Variants in RBFOX1 observed in about 807,000 individuals in gnomAD.
RBFOX1 encodes the protein RNA binding protein fox-1 homolog 1.
RBFOX1 carries 8 observed loss-of-function variants against 57.7 expected under a neutral mutation model. That is an observed-to-expected ratio of 0.14 (90% CI 0.08 to 0.25). The LOEUF is 0.25. RBFOX1 is among the 10% of genes least tolerant of loss of function. The pLI is 1.00. For missense variants in RBFOX1, 611 were observed against 548.5 expected, an observed-to-expected ratio of 1.11 and a Z score of -1.14; for synonymous variants, 326 against 222.4, an observed-to-expected ratio of 1.47 and a Z score of -4.15.
intron 1 of RBFOX1, among the ~76,000 whole-genome samples, chr16:6,289,532 G>A (rs765188270): frequency 6.6e-6 from 1 of 152,098 alleles, no homozygotes; most frequent in Non-Finnish European, 1.5e-5. Flanking sequence ...CAGAACCATA[G>A]CTATTCATTG....
intron 4 of RBFOX1, among the ~76,000 whole-genome samples, chr16:7,166,604 T>C (rs1285300801): frequency 7.2e-5 from 11 of 152,142 alleles, no homozygotes; most frequent in African/African-American, 2.2e-4. Context: ...TGTGCCTTGT[T>C]GTTGTCATGG....
At chr16:7,514,056 C>A (rs1291737389) in intron 4 of RBFOX1, among the ~76,000 whole-genome samples, 1 of 152,092 alleles carries the variant, frequency 6.6e-6, no homozygotes, top group South Asian at 2.1e-4. Context: ...GGCTTCTTAA[C>A]TGGTGATCCC....
chr16:7,472,130 G>A (rs886570372), intron 4 of RBFOX1, among the ~76,000 whole-genome samples: 2 of 152,146 alleles, frequency 1.3e-5, no homozygotes, highest in Non-Finnish European at 2.9e-5. Flanking sequence ...TATATAACAT[G>A]TTTATAATTT....
At position 7,261,293 on chromosome 16, in the gene RBFOX1, A is replaced by G. The variant is rs142754900; in HGVS notation, c.27+209195A>G. 3.3e-5 allele frequency among the ~76,000 whole-genome samples: 5 copies of G among 152,330 alleles called. No individual in the cohort carries two copies. The East Asian group carries it at 9.7e-4, about 29-fold the overall frequency. On this transcript the variant is annotated intron_variant, in intron 4 of 15. Coordinates refer to ENST00000550418, the MANE Select transcript of RBFOX1 (RefSeq NM_018723.4). ...GTATATGATGTATAAAGTGGAATTG[A>G]TGAATGGCAGGTTCTCAATAAAAGT...
At chr16:6,568,466 C>A (rs557457249) in intron 2 of RBFOX1, among the ~76,000 whole-genome samples, 2 of 152,230 alleles carry the variant, frequency 1.3e-5, no homozygotes, top group South Asian at 4.1e-4. Flanking sequence ...GGGAGAGATG[C>A]TAAGATGGAA....
intron 2 of RBFOX1, among the ~76,000 whole-genome samples, chr16:5,476,491 A>G (rs4786689): frequency 0.75 from 114,338 of 152,100 alleles, 43,536 homozygotes; most frequent in East Asian, 1. Context: ...TTACTCATTC[A>G]TGTAGTGGTC....
intron 2 of RBFOX1, among the ~76,000 whole-genome samples, chr16:6,410,904 A>G (rs2093439562): frequency 6.6e-6 from 1 of 152,280 alleles, no homozygotes; most frequent in African/African-American, 2.4e-5. Context: ...GTTGGGGATA[A>G]AAAGGAACAT....
At chr16:6,334,771 A>G (rs2152813308) in intron 2 of RBFOX1, among the ~76,000 whole-genome samples, 1 of 152,308 alleles carries the variant, frequency 6.6e-6, no homozygotes, top group African/African-American at 2.4e-5. Flanking sequence ...GAGATTGATT[A>G]GCAATGTCTT....
At chr16:5,720,897 T>G (rs575708195) in intron 3 of RBFOX1, among the ~76,000 whole-genome samples, 19 of 152,294 alleles carry the variant, frequency 1.2e-4, no homozygotes, top group South Asian at 4.1e-4. Flanking sequence ...TTTTCAAGAT[T>G]GTTTTGATTA....
chr16:5,306,618 G>C (rs2063942078), intron 1 of RBFOX1, among the ~76,000 whole-genome samples: 1 of 152,126 alleles, frequency 6.6e-6, no homozygotes, highest in African/African-American at 2.4e-5. Context: ...GGGTCTTGTA[G>C]AATTCTGATG....
intron 3 of RBFOX1, among the ~76,000 whole-genome samples, chr16:5,734,203 C>T (rs1490102116): frequency 1.3e-5 from 2 of 152,142 alleles, no homozygotes; most frequent in Non-Finnish European, 2.9e-5. Flanking sequence ...GTGGCTTATG[C>T]CTGCAATCTT....
intron 4 of RBFOX1, among the ~76,000 whole-genome samples, chr16:5,966,784 G>T (rs1279577806): frequency 6.6e-6 from 1 of 151,966 alleles, no homozygotes; most frequent in Non-Finnish European, 1.5e-5. Flanking sequence ...CACCCTTGGC[G>T]AATTGCAATT....
intron 4 of RBFOX1, among the ~76,000 whole-genome samples, chr16:7,418,239 C>T (rs1306749742): frequency 6.6e-6 from 1 of 152,184 alleles, no homozygotes; most frequent in East Asian, 1.9e-4. Context: ...AAAGTTATTG[C>T]AGAAGAGGTT....
At chr16:6,520,730 T>G (rs928506343) in intron 2 of RBFOX1, among the ~76,000 whole-genome samples, 2 of 152,174 alleles carry the variant, frequency 1.3e-5, no homozygotes, top group Admixed American at 6.5e-5. Flanking sequence ...TTAGAACCTC[T>G]AAGTGGCTTC....
At position 6,711,258 on chromosome 16, in the gene RBFOX1, G is replaced by C. The variant is rs1603450355; in HGVS notation, c.-16+56608G>C. Among the ~76,000 whole-genome samples the C allele has an allele frequency of 3.3e-5, 5 of 152,206 alleles. No homozygotes were observed. In the East Asian group the frequency reaches 9.7e-4, roughly 29 times the overall value. On this transcript the variant is annotated intron_variant, in intron 3 of 15. Coordinates refer to ENST00000550418, the MANE Select transcript of RBFOX1 (RefSeq NM_018723.4). The stretch of plus-strand genomic sequence containing the variant: ...TCCTCCTCCTAACTCTGCTTTCACT[G>C]TTTTGTCTCCACACGCCCCTCCCCC...
rs563538830 is a variant in RBFOX1 at position 7,004,417 on chromosome 16, C to G, written c.-15-47640C>G. On this transcript the variant is annotated intron_variant, in intron 3 of 15. Transcript: ENST00000550418. The stretch of plus-strand genomic sequence containing the variant: ...TTTTATTTAGTCTCAGAGACCCAAG[C>G]TGGTCAGCATTTGGCTCTGGTGGAG... Among the ~76,000 whole-genome samples, 106 of 152,260 alleles carry G rather than the reference C, an allele frequency of 7.0e-4. 1 individual carries two copies. Among genetic ancestry groups the G allele is most frequent in the Admixed American group, 6.9e-3 (106 of 15,290 alleles).
At chr16:6,399,885 C>G (rs2092998836) in intron 2 of RBFOX1, among the ~76,000 whole-genome samples, 1 of 152,216 alleles carries the variant, frequency 6.6e-6, no homozygotes, top group African/African-American at 2.4e-5. Context: ...GAATGAGTGC[C>G]CAATGAAGGG....
intron 2 of RBFOX1, among the ~76,000 whole-genome samples, chr16:5,551,278 C>T: frequency 6.6e-6 from 1 of 152,202 alleles, no homozygotes; most frequent in East Asian, 1.9e-4. Context: ...ACTATAGTTA[C>T]TTACTTATCG....
At chr16:7,614,073 C>T (rs182534349) in intron 10 of RBFOX1, among the ~76,000 whole-genome samples, 1 of 152,184 alleles carries the variant, frequency 6.6e-6, no homozygotes, top group Non-Finnish European at 1.5e-5. Context: ...CCAACACTTT[C>T]TCATACCCAC....
Sources: allele counts gnomAD v4.1 joint callset (sites outside exome capture counted in the v4.1 genomes callset), GRCh38; gene constraint gnomAD v4.1.1; transcripts MANE v1.5; gene names NCBI Gene and HGNC (gene_info 2026-07-23, HGNC 2026-07-21).